LRRTM4: variants seen among roughly 807,000 people sequenced by gnomAD.
LRRTM4 encodes leucine rich repeat transmembrane neuronal 4.
In LRRTM4, 25 loss-of-function variants were observed where a neutral mutation model predicts 47.6. The observed-to-expected ratio is 0.53, with a 90% CI of 0.38 to 0.73. LRRTM4 has a LOEUF of 0.73. LRRTM4 is among the 30% of genes least tolerant of loss of function. LRRTM4 has a pLI of 0.00. For synonymous variants in LRRTM4, 311 were observed against 269.5 expected (o/e 1.15, Z -1.51); for missense variants, 638 against 713.4 (o/e 0.89, Z 1.20).
At chr2:76,940,933 T>G (rs1675120513) in intron 3 of LRRTM4, among the ~76,000 whole-genome samples, 1 of 152,192 alleles carries the variant, frequency 6.6e-6, no homozygotes, top group Non-Finnish European at 1.5e-5. Flanking sequence ...TGCTGACAAT[T>G]TCAGTACCTA....
intron 3 of LRRTM4, among the ~76,000 whole-genome samples, chr2:77,044,215 G>A (rs1326894168): frequency 6.6e-6 from 1 of 151,628 alleles, no homozygotes; most frequent in Non-Finnish European, 1.5e-5. Context: ...TCATACCTGA[G>A]TACCCTGAAC....
chr2:77,064,676 A>G (rs953408945), intron 3 of LRRTM4, among the ~76,000 whole-genome samples: 1 of 152,202 alleles, frequency 6.6e-6, no homozygotes, highest in Non-Finnish European at 1.5e-5. Context: ...CCTTTGCCCC[A>G]CAAGATGAAT....
At chr2:76,811,727 T>G (rs1670740014) in intron 3 of LRRTM4, among the ~76,000 whole-genome samples, 1 of 152,178 alleles carries the variant, frequency 6.6e-6, no homozygotes, top group Non-Finnish European at 1.5e-5. Context: ...CCATGTTTGC[T>G]CTATGAAATA....
At chr2:77,276,514 A>ATG (rs147240557) in intron 3 of LRRTM4, among the ~76,000 whole-genome samples, 7,788 of 150,400 alleles carry the variant, frequency 0.052, 638 homozygotes, top group African/African-American at 0.18. Flanking sequence ...TAATATATAT[A>ATG]TGTGTGTATA....
At chr2:77,307,943 A>C (rs1351156299) in intron 3 of LRRTM4, among the ~76,000 whole-genome samples, 2 of 113,620 alleles carry the variant, frequency 1.8e-5, no homozygotes, top group Non-Finnish European at 3.3e-5. Context: ...TATTATAGAA[A>C]TATAAATATA....
chr2:77,305,609 T>A (rs1220322596), intron 3 of LRRTM4, among the ~76,000 whole-genome samples: 2 of 152,140 alleles, frequency 1.3e-5, no homozygotes, highest in African/African-American at 4.8e-5. Context: ...TAAAACTCAA[T>A]GCATGTTTTA....
chr2:76,875,089 A>G (rs1189112133), intron 3 of LRRTM4, among the ~76,000 whole-genome samples: 1 of 152,126 alleles, frequency 6.6e-6, no homozygotes, highest in African/African-American at 2.4e-5. Context: ...ACAATGACAG[A>G]AAATGAAAGC....
intron 3 of LRRTM4, among the ~76,000 whole-genome samples, chr2:77,044,896 T>G (rs944006180): frequency 6.6e-6 from 1 of 151,616 alleles, no homozygotes; most frequent in Non-Finnish European, 1.5e-5. Context: ...TACATATATA[T>G]GTGTATGTAG....
At position 76,950,339 on chromosome 2, in the gene LRRTM4, G is replaced by A. The variant is rs189546018; in HGVS notation, c.1552-201423C>T. Among the ~76,000 whole-genome samples the A allele has an allele frequency of 3.3e-5, 5 of 151,998 alleles. No individual in the cohort carries two copies. The East Asian group carries it at 7.8e-4, about 24-fold the overall frequency. On this transcript the variant is annotated intron_variant, in intron 3 of 3. Transcript: ENST00000409884. Reference sequence around the variant, plus strand: ...CCTAGGGCACTTCAGGTATTGGGATGGAGTCAGACACAAATACACTATAAC... The same window carrying A: ...CCTAGGGCACTTCAGGTATTGGGATAGAGTCAGACACAAATACACTATAAC...
Position 77,130,939 on chromosome 2 carries a change from A to G in LRRTM4, c.1552-382023T>C, listed in dbSNP as rs1197872309. 4.9e-5 allele frequency among the ~76,000 whole-genome samples: 6 copies of G among 121,920 alleles called. No homozygotes were observed. The East Asian group carries it at 1.6e-3, about 32-fold the overall frequency. The allele number at this position is 121,920 out of a possible 152,430, so 80.0% of individuals were successfully genotyped here. A position where few individuals can be genotyped will look rare whatever the true frequency, so the allele number is the denominator to read the frequency against. Reference sequence around the variant, plus strand: ...AAGCTCCGCCTCCCGGGTTCACGCCATTCTCCTGCCTCAGCCTCCCAAGTA... The same window carrying G: ...AAGCTCCGCCTCCCGGGTTCACGCCGTTCTCCTGCCTCAGCCTCCCAAGTA... On this transcript the variant is annotated intron_variant, in intron 3 of 3. Coordinates refer to ENST00000409884, the MANE Select transcript of LRRTM4 (RefSeq NM_001134745.3).
intron 3 of LRRTM4, among the ~76,000 whole-genome samples, chr2:77,160,149 G>C (rs1672672841): frequency 6.6e-6 from 1 of 152,016 alleles, no homozygotes. Flanking sequence ...TTCCTTGATT[G>C]GCTGTGTTGA....
chr2:77,281,726 A>C (rs998066872), intron 3 of LRRTM4, among the ~76,000 whole-genome samples: 1 of 151,866 alleles, frequency 6.6e-6, no homozygotes, highest in South Asian at 2.1e-4. Flanking sequence ...GGGGAGGTAC[A>C]TGAAAATGCA....
intron 3 of LRRTM4, among the ~76,000 whole-genome samples, chr2:76,970,783 G>A (rs186114054): frequency 9.4e-4 from 143 of 152,096 alleles, no homozygotes; most frequent in African/African-American, 3.1e-3. Context: ...AAGGTGTTTC[G>A]TGACCAGTAC....
At chr2:76,987,372 C>A (rs1035013034) in intron 3 of LRRTM4, 4 of 151,716 alleles carry the variant, frequency 2.6e-5, no homozygotes, top group African/African-American at 9.7e-5. Context: ...CATAATTGAC[C>A]TTATATGTCT....
At chr2:77,126,664 T>G (rs2103966201) in intron 3 of LRRTM4, among the ~76,000 whole-genome samples, 1 of 152,276 alleles carries the variant, frequency 6.6e-6, no homozygotes, top group African/African-American at 2.4e-5. Flanking sequence ...AAATGGGAAG[T>G]GACATAGGGG....
intron 3 of LRRTM4, among the ~76,000 whole-genome samples, chr2:77,208,256 A>G (rs1424036062): frequency 6.6e-6 from 1 of 152,162 alleles, no homozygotes; most frequent in Non-Finnish European, 1.5e-5. Flanking sequence ...TGTTAGACAT[A>G]GGAACTAGAT....
chr2:76,886,766 T>C (rs1325210037), intron 3 of LRRTM4, among the ~76,000 whole-genome samples: 2 of 151,994 alleles, frequency 1.3e-5, no homozygotes, highest in African/African-American at 4.8e-5. Context: ...ATAAAATTTT[T>C]AACAATTTAT....
intron 3 of LRRTM4, among the ~76,000 whole-genome samples, chr2:77,420,285 C>T (rs1674824531): frequency 6.6e-6 from 1 of 152,098 alleles, no homozygotes; most frequent in Non-Finnish European, 1.5e-5. Flanking sequence ...TACATAAAGC[C>T]AGCAAGACAG....
intron 3 of LRRTM4, among the ~76,000 whole-genome samples, chr2:77,316,054 G>T (rs1353033126): frequency 6.6e-6 from 1 of 152,098 alleles, no homozygotes; most frequent in East Asian, 1.9e-4. Context: ...GTCTTCTATT[G>T]TTGGCAATAA....
Sources: gnomAD v4.1 joint callset for allele counts (sites outside exome capture counted in the v4.1 genomes callset) on GRCh38, gnomAD v4.1.1 for gene constraint, MANE v1.5 for transcripts, NCBI Gene and HGNC (gene_info 2026-07-23, HGNC 2026-07-21) for gene names.